Variants in ADPRHL1 observed in about 807,000 individuals in gnomAD.
ADPRHL1 encodes ADP-ribosylhydrolase like 1, also known as inactive ADP-ribosyltransferase ARH2.
Under a neutral mutation model 44.1 loss-of-function variants are expected in ADPRHL1, and 43 were observed. That is an observed-to-expected ratio of 0.98 (90% CI 0.76 to 1.26). The LOEUF is 1.26. Ranked by LOEUF, ADPRHL1 falls within the 50% of genes most tolerant of loss-of-function variation. The pLI is 0.00. For missense variants in ADPRHL1, 2,022 were observed against 2,496.9 expected (o/e 0.81, Z 4.05); for synonymous variants, 878 against 1,017.4 (o/e 0.86, Z 2.61).
chr13:113,409,733 A>G lies in ADPRHL1; in HGVS notation c.1062-1513T>C. 1 of 700,960 alleles carries G rather than the reference A, an allele frequency of 1.4e-6. No homozygotes were observed. Among genetic ancestry groups the G allele is most frequent in the Non-Finnish European group, 1.8e-6 (1 of 570,388 alleles). 43.4% of individuals were successfully genotyped at this position (700,960 alleles called of 1,614,324 possible). A position where few individuals can be genotyped will look rare whatever the true frequency, so the allele number is the denominator to read the frequency against. Reference sequence around the variant, plus strand: ...AACCCCGTCTCTACTAAAGATATAAAAAAAAATCAGCCGGGCGTGGTGGCG... The same window carrying G: ...AACCCCGTCTCTACTAAAGATATAAGAAAAAATCAGCCGGGCGTGGTGGCG... On this transcript the variant is annotated intron_variant, in intron 7 of 7. Coordinates refer to ENST00000612156, the MANE Select transcript of ADPRHL1 (RefSeq NM_001394807.1). The surrounding 1 kb of genome is among the most constrained non-coding windows in gnomAD (Gnocchi z 4.2).
chr13:113,444,343 G>C lies in ADPRHL1; in HGVS notation c.379+82C>G, dbSNP rs1008330199. 12 of 1,530,260 alleles carry C rather than the reference G, an allele frequency of 7.8e-6. No individual in the cohort carries two copies. In the African/African-American group the frequency reaches 1.4e-4, roughly 17 times the overall value. 94.8% of individuals were successfully genotyped at this position (1,530,260 alleles called of 1,614,324 possible). A position where few individuals can be genotyped will look rare whatever the true frequency, so the allele number is the denominator to read the frequency against. The stretch of plus-strand genomic sequence containing the variant: ...TCACTGAAGCCACCTGGAGATGCTG[G>C]GGGTTAGTGGAAGGCAGATGGTTAG... On this transcript the variant is annotated intron_variant, in intron 2 of 7. Coordinates refer to ENST00000612156, the MANE Select transcript of ADPRHL1 (RefSeq NM_001394807.1).
intron 3 of ADPRHL1, among the ~76,000 whole-genome samples, chr13:113,429,425 G>T (rs866763520): frequency 1.3e-5 from 2 of 152,348 alleles, no homozygotes; most frequent in Middle Eastern, 3.4e-3. Flanking sequence ...CACGCGATTT[G>T]TCCCTTTGTG....
In ADPRHL1 at chr13:113,445,015, G is replaced by C. The variant is rs142083056; in HGVS notation, c.215-426C>G. 7.4e-4 allele frequency among the ~76,000 whole-genome samples: 113 copies of C among 152,314 alleles called. 3 individuals are homozygous for C. The East Asian group carries it at 0.019, about 26-fold the overall frequency. On this transcript the variant is annotated intron_variant, in intron 1 of 7. Coordinates refer to ENST00000612156, the MANE Select transcript of ADPRHL1 (RefSeq NM_001394807.1). Reference sequence around the variant, plus strand: ...ATGGGCTTGTGACGCCGATGGTGGAGGCCAGTGTGCCCAGCTCCAGCTCCT... The same window carrying C: ...ATGGGCTTGTGACGCCGATGGTGGACGCCAGTGTGCCCAGCTCCAGCTCCT...
At chr13:113,429,238 T>C in intron 3 of ADPRHL1, 146 bp from the exon 4 acceptor site, 2 of 1,072,034 alleles carry the variant, frequency 1.9e-6, no homozygotes, top group Non-Finnish European at 2.7e-6. Flanking sequence ...TTCGGCGGCA[T>C]TAACCACGTT....
Position 113,404,799 on chromosome 13 carries a change from A to C in ADPRHL1, c.4483T>G (p.Trp1495Gly). The C allele has an allele frequency of 8.0e-7, 1 of 1,252,556 alleles. No homozygotes were observed. The highest frequency in any genetic ancestry group is 4.2e-5 in the Admixed American group (1 of 23,966). The allele number at this position is 1,252,556 out of a possible 1,614,324, so 77.6% of individuals were successfully genotyped here. ...TGTCCCTGAACCTGTCCCCGGTCCC[A>C]TTCCTGAACCTGTTTCTGGGCCTGT... ...QGQAQKQVQE[W>G]DRGQVQGHAQ... Residue 1495 changes from tryptophan to glycine, a missense_variant, in exon 8 of 8, where the codon TGG (tryptophan) becomes GGG (glycine). Physicochemically the swap from Trp to Gly is radical, Grantham distance 184. Coordinates refer to ENST00000612156, the MANE Select transcript of ADPRHL1 (RefSeq NM_001394807.1).
At chr13:113,418,166 A>G (rs1042168985) in intron 7 of ADPRHL1, among the ~76,000 whole-genome samples, 2 of 152,150 alleles carry the variant, frequency 1.3e-5, no homozygotes, top group African/African-American at 2.4e-5. Flanking sequence ...CAGCTCTGGG[A>G]GAAATACTCA....
intron 2 of ADPRHL1, among the ~76,000 whole-genome samples, chr13:113,442,606 T>A (rs561688866): frequency 2.6e-5 from 4 of 152,252 alleles, no homozygotes; most frequent in Non-Finnish European, 4.4e-5. Flanking sequence ...TGTGTGTCTT[T>A]CTTCTCTGGC....
rs2043824159 is a variant in ADPRHL1, at chr13:113,408,234, G to C, written c.1062-14C>G. 4.9e-6 allele frequency: 6 copies of C among 1,231,946 alleles called. No individual in the cohort carries two copies. The highest frequency in any genetic ancestry group is 1.5e-5 in the African/African-American group (1 of 64,556). The allele number at this position is 1,231,946 out of a possible 1,614,324, so 76.3% of individuals were successfully genotyped here. A position where few individuals can be genotyped will look rare whatever the true frequency, so the allele number is the denominator to read the frequency against. On this transcript the variant is annotated splice_polypyrimidine_tract_variant and intron_variant, in intron 7 of 7. Coordinates refer to ENST00000612156, the MANE Select transcript of ADPRHL1 (RefSeq NM_001394807.1). ...CTGCTCTTCCGGCTGCAGAGAAAAA[G>C]GAATCATCACCTACTTCATCATCAT...
rs2043789188 is a variant in ADPRHL1, at chr13:113,404,270, C to T, written c.5012G>A (p.Gly1671Glu). The stretch of plus-strand genomic sequence containing the variant: ...CTGTTCCCGAGCCCGTTCCTGAGCC[C>T]CCTTCTGGGCCTGACCCTGAGCCTC... ...QIEAQGQAQK[G>E]AQERAREQAQ... Residue 1671 changes from glycine (G) to glutamate (E), a missense_variant, in exon 8 of 8, where the codon GGG becomes GAG. Transcript: ENST00000612156. 1 of 1,312,790 alleles carries T rather than the reference C, an allele frequency of 7.6e-7. No individual in the cohort carries two copies. 81.3% of individuals were successfully genotyped at this position (1,312,790 alleles called of 1,614,324 possible).
At chr13:113,420,863 A>T (rs1417575234) in intron 7 of ADPRHL1, among the ~76,000 whole-genome samples, 1 of 150,138 alleles carries the variant, frequency 6.7e-6, no homozygotes, top group Non-Finnish European at 1.5e-5. Flanking sequence ...GGACACACCT[A>T]GCCCCAGGAC....
At chr13:113,430,884 G>C (rs1480822854) in intron 3 of ADPRHL1, among the ~76,000 whole-genome samples, 1 of 152,190 alleles carries the variant, frequency 6.6e-6, no homozygotes, top group Non-Finnish European at 1.5e-5. Flanking sequence ...GGGGAGCAGT[G>C]ACCCCCGTTG....
rs1023678418 is a variant in ADPRHL1 at position 113,408,395 on chromosome 13, C to T, written c.1062-175G>A. Among the ~76,000 whole-genome samples, 15 of 152,168 alleles carry T rather than the reference C, an allele frequency of 9.9e-5. No homozygotes were observed. The East Asian group carries it at 1.2e-3, about 12-fold the overall frequency. On this transcript the variant is annotated intron_variant, in intron 7 of 7. Transcript: ENST00000612156. The stretch of plus-strand genomic sequence containing the variant: ...TTCTGGGCTGTCTCTGCTGTTAATT[C>T]GGGGTTGGCAGGGATGCCAAAGCTT...
intron 7 of ADPRHL1, chr13:113,422,573 G>T: frequency 1.9e-6 from 1 of 527,870 alleles, no homozygotes; most frequent in Non-Finnish European, 3.4e-6. Flanking sequence ...ACGCATGGAG[G>T]TCCAAGTGCG....
Position 113,403,842 on chromosome 13 carries a change from C to T in ADPRHL1, c.5440G>A (p.Ala1814Thr), listed in dbSNP as rs566269739. 3.7e-4 allele frequency: 457 copies of T among 1,237,812 alleles called. 2 individuals carry two copies. In the African/African-American group the frequency reaches 6.5e-3, roughly 18 times the overall value. The allele number at this position is 1,237,812 out of a possible 1,614,324, so 76.7% of individuals were successfully genotyped here. A position where few individuals can be genotyped will look rare whatever the true frequency, so the allele number is the denominator to read the frequency against. ...ATGGGCTGCTCCCAGGCCCGAGGCG[C>T]CATCCCACTTGTCAAGGCCTGTTCC... ...GREQALTSGM[A>T]PRAWEQPISG... Residue 1814 changes from alanine to threonine, a missense_variant, in exon 8 of 8, where the codon GCG becomes ACG. Physicochemically the swap from Ala to Thr is moderately conservative, Grantham distance 58. This residue lies in a region of ADPRHL1 where 205 missense variants were observed against 250.1 expected (regional missense o/e 0.82). Transcript: ENST00000612156.
At chr13:113,417,560 G>A (rs1029064307) in intron 7 of ADPRHL1, among the ~76,000 whole-genome samples, 15 of 152,208 alleles carry the variant, frequency 9.9e-5, no homozygotes, top group East Asian at 3.9e-4. Context: ...CAGATCAGGC[G>A]CTATCCCTGC....
At position 113,421,751 on chromosome 13, in the gene ADPRHL1, G is replaced by A. The variant is rs2043925221; in HGVS notation, c.1061+1075C>T. Among the ~76,000 whole-genome samples the A allele has an allele frequency of 3.3e-5, 5 of 152,350 alleles. No individual in the cohort carries two copies. The South Asian group carries it at 1.0e-3, about 32-fold the overall frequency. Reference sequence around the variant, plus strand: ...CCTTTCAAATCATCCCATAGAAGAAGACGCCCGTGGGGGTAGGGCTTGTAT... The same window carrying A: ...CCTTTCAAATCATCCCATAGAAGAAAACGCCCGTGGGGGTAGGGCTTGTAT... On this transcript the variant is annotated intron_variant, in intron 7 of 7. Transcript: ENST00000612156.
At chr13:113,422,759 G>C in intron 7 of ADPRHL1, 67 bp downstream of exon 7, 2 of 1,590,710 alleles carry the variant, frequency 1.3e-6, no homozygotes, top group Non-Finnish European at 1.7e-6. Flanking sequence ...CAGGGGCTGC[G>C]AGAGGGCCCT....
intron 2 of ADPRHL1, among the ~76,000 whole-genome samples, chr13:113,437,516 T>C (rs1255284357): frequency 1.3e-5 from 2 of 152,234 alleles, no homozygotes; most frequent in African/African-American, 4.8e-5. Flanking sequence ...CCGTGCGTGT[T>C]ACTCGGCGTG....
chr13:113,450,550 C>T (rs1380917024), intron 1 of ADPRHL1, among the ~76,000 whole-genome samples: 1 of 152,080 alleles, frequency 6.6e-6, no homozygotes. Flanking sequence ...TTATTGGATA[C>T]AAGGCAGAAG....
Sources: allele counts gnomAD v4.1 joint callset (sites outside exome capture counted in the v4.1 genomes callset), GRCh38; gene constraint gnomAD v4.1.1; regional missense constraint gnomAD v4.1.1; non-coding constraint Gnocchi (gnomAD v3.1); transcripts MANE v1.5; gene names NCBI Gene and HGNC (gene_info 2026-07-23, HGNC 2026-07-21).